Variants in TBCK observed in about 807,000 individuals in gnomAD.
TBCK encodes the protein TBC1 domain containing kinase.
In TBCK, 99 loss-of-function variants were observed where a neutral mutation model predicts 113.4. The ratio of observed to expected loss-of-function variants is 0.87; its 90% CI spans 0.74 to 1.03. The LOEUF is 1.03. TBCK is among the 50% of genes least tolerant of loss of function. The probability of loss-of-function intolerance (pLI) is 0.00; values close to 1 mark genes in which losing one functional copy is unlikely to be tolerated. For missense variants in TBCK, 1,045 were observed against 1,061.3 expected (o/e 0.98, Z 0.21); for synonymous variants, 369 against 370.8 (o/e 1.00, Z 0.05).
chr4:106,118,961 T>C (rs1696321927), intron 23 of TBCK, among the ~76,000 whole-genome samples: 1 of 152,230 alleles, frequency 6.6e-6, no homozygotes, highest in South Asian at 2.1e-4. Flanking sequence ...CAAGTTCTTC[T>C]GCAAATGAAT....
chr4:106,163,266 C>T (rs1051922156), intron 23 of TBCK: 1 of 152,264 alleles, frequency 6.6e-6, no homozygotes, highest in African/African-American at 2.4e-5. Context: ...CAAAGCCATT[C>T]AATAAGTCTC....
chr4:106,185,196 G>T (rs1318044816), intron 22 of TBCK, among the ~76,000 whole-genome samples: 1 of 151,930 alleles, frequency 6.6e-6, no homozygotes, highest in African/African-American at 2.4e-5. Context: ...GTGCTTTCTT[G>T]TAATAAAAAT....
At chr4:106,305,129 A>C (rs1443164846) in intron 2 of TBCK, among the ~76,000 whole-genome samples, 1 of 152,040 alleles carries the variant, frequency 6.6e-6, no homozygotes, top group Non-Finnish European at 1.5e-5. Flanking sequence ...TAAGCATCAG[A>C]GAGTAGAGAA....
chr4:106,197,411 G>GTGTGTGTATA (rs35695611), intron 20 of TBCK, among the ~76,000 whole-genome samples: 10 of 122,446 alleles, frequency 8.2e-5, no homozygotes, highest in Non-Finnish European at 1.5e-4. Context: ...GTGTGTGTGT[G>GTGTGTGTATA]TATATATATA....
chr4:106,068,631 T>A (rs1219888423), intron 25 of TBCK, among the ~76,000 whole-genome samples: 1 of 152,200 alleles, frequency 6.6e-6, no homozygotes, highest in Non-Finnish European at 1.5e-5. Flanking sequence ...ATCTTTATAG[T>A]AGCATGATTT....
At chr4:106,127,400 C>A (rs534595314) in intron 23 of TBCK, among the ~76,000 whole-genome samples, 24 of 152,010 alleles carry the variant, frequency 1.6e-4, no homozygotes, top group African/African-American at 5.5e-4. Context: ...GGACTGAGTG[C>A]GTGCATGTGT....
At chr4:106,120,317 G>C (rs938495539) in intron 23 of TBCK, among the ~76,000 whole-genome samples, 4 of 152,066 alleles carry the variant, frequency 2.6e-5, no homozygotes. Flanking sequence ...AGGGTCTTAC[G>C]CCCACAGAGT....
intron 22 of TBCK, among the ~76,000 whole-genome samples, chr4:106,172,029 G>A (rs994687335): frequency 5.9e-5 from 9 of 151,802 alleles, no homozygotes; most frequent in Admixed American, 2.0e-4. Flanking sequence ...ATGGGGTTTC[G>A]CCATGTTGCC....
rs149678397 is a variant in TBCK, at chr4:106,098,384, T to C, written c.2412-2743A>G. Reference sequence around the variant, plus strand: ...GGAAATATTACTATTAAGGAAATAGTAGCCAAAGTACTTATGGGGTGATTA... The same window carrying C: ...GGAAATATTACTATTAAGGAAATAGCAGCCAAAGTACTTATGGGGTGATTA... On this transcript the variant is annotated intron_variant, in intron 24 of 25. Transcript: ENST00000394708. 4.9e-3 allele frequency among the ~76,000 whole-genome samples: 748 copies of C among 152,152 alleles called. 4 individuals carry two copies. Among genetic ancestry groups the C allele is most frequent in the African/African-American group, 0.017 (720 of 41,558 alleles).
rs200673063 is a variant in TBCK, at chr4:106,295,152, C to T, written c.208G>A (p.Val70Met). 3.7e-5 allele frequency: 59 copies of T among 1,612,486 alleles called. No homozygotes were observed. Among genetic ancestry groups the T allele is most frequent in the Middle Eastern group, 3.3e-4 (2 of 6,068 alleles). Reference protein sequence around the residue: ...SRGKHERLVVVAEHCERSLED... With the variant: ...SRGKHERLVVMAEHCERSLED... ...AGACTACGTTCACAATGTTCAGCCA[C>T]GACCACTAGTCGTTCTGAGAAAAAC... The change falls in exon 3 of 26, where the codon GTG (valine) becomes ATG (methionine). Residue 70 changes from valine to methionine, a missense_variant. Transcript: ENST00000394708.
At chr4:106,207,513 A>T (rs1203913209) in intron 20 of TBCK, among the ~76,000 whole-genome samples, 1 of 152,224 alleles carries the variant, frequency 6.6e-6, no homozygotes, top group African/African-American at 2.4e-5. Context: ...ACAACCATTC[A>T]GAATTTTTAA....
intron 24 of TBCK, among the ~76,000 whole-genome samples, chr4:106,103,519 G>C (rs1320722196): frequency 1.3e-5 from 2 of 152,190 alleles, no homozygotes; most frequent in African/African-American, 4.8e-5. Flanking sequence ...AGAAGCACAA[G>C]ACTGGCTCTG....
chr4:106,160,594 G>A (rs1019282569), intron 23 of TBCK, among the ~76,000 whole-genome samples: 13 of 151,256 alleles, frequency 8.6e-5, no homozygotes, highest in Non-Finnish European at 1.6e-4. Flanking sequence ...AAGAAAAAAA[G>A]AAAAAAAATC....
At chr4:106,151,177 G>A (rs1748440636) in intron 23 of TBCK, among the ~76,000 whole-genome samples, 1 of 151,858 alleles carries the variant, frequency 6.6e-6, no homozygotes, top group South Asian at 2.1e-4. Flanking sequence ...ATCATCTCAA[G>A]CATTTATCCT....
intron 22 of TBCK, among the ~76,000 whole-genome samples, chr4:106,176,747 G>A (rs898644975): frequency 6.6e-6 from 1 of 151,692 alleles, no homozygotes; most frequent in Non-Finnish European, 1.5e-5. Flanking sequence ...CTTTTTTGAG[G>A]AACCTCCATA....
Position 106,307,202 on chromosome 4 carries a change from A to G in TBCK, c.193+1566T>C, listed in dbSNP as rs918838242. ...AAATAATAAAATGTATTAGCAGTCCATTTTTCCTTAATTTCCTTCGTGTGC... is the reference window on the plus strand; with the variant it reads ...AAATAATAAAATGTATTAGCAGTCCGTTTTTCCTTAATTTCCTTCGTGTGC... On this transcript the variant is annotated intron_variant, in intron 2 of 25. Transcript: ENST00000394708. Among the ~76,000 whole-genome samples, 7 of 152,102 alleles carry G rather than the reference A, an allele frequency of 4.6e-5. 1 individual carries two copies. Among genetic ancestry groups the G allele is most frequent in the Admixed American group, 2.0e-4 (3 of 15,274 alleles).
rs1238708545 is a variant in TBCK, at chr4:106,045,547, T to G, written c.*1023A>C. 2 of 152,158 alleles carry G rather than the reference T, an allele frequency of 1.3e-5. No individual in the cohort carries two copies. Among genetic ancestry groups the G allele is most frequent in the East Asian group, 3.9e-4 (2 of 5,194 alleles). 9.4% of individuals were successfully genotyped at this position (152,158 alleles called of 1,614,324 possible). A position where few individuals can be genotyped will look rare whatever the true frequency, so the allele number is the denominator to read the frequency against. ...CAAAGACTCTATTTCCAGTTTTCCT[T>G]AAAGCTAGGTGTGGCCATGCACCCA... On this transcript the variant is annotated 3_prime_UTR_variant, in exon 26 of 26. Transcript: ENST00000394708.
chr4:106,208,231 G>T (rs975561522), intron 20 of TBCK, among the ~76,000 whole-genome samples: 1 of 152,112 alleles, frequency 6.6e-6, no homozygotes, highest in Non-Finnish European at 1.5e-5. Flanking sequence ...TTAAACCAAA[G>T]ACAGTTTAAG....
rs141266220 is a variant in TBCK, at chr4:106,301,233, C to T, written c.194-6067G>A. ...ACTAATACAGATTAAAATTTATATG[C>T]TAGAGATACAGAATAAATTATCTTG... On this transcript the variant is annotated intron_variant, in intron 2 of 25. Coordinates refer to ENST00000394708, the MANE Select transcript of TBCK (RefSeq NM_001163435.3). Among the ~76,000 whole-genome samples the T allele has an allele frequency of 4.9e-3, 741 of 151,820 alleles. 4 individuals are homozygous for T. The highest frequency in any genetic ancestry group is 0.017 in the African/African-American group (713 of 41,484).
Sources: gnomAD v4.1 joint callset for allele counts (sites outside exome capture counted in the v4.1 genomes callset) on GRCh38, gnomAD v4.1.1 for gene constraint, MANE v1.5 for transcripts, NCBI Gene and HGNC (gene_info 2026-07-23, HGNC 2026-07-21) for gene names.